Variants in PRR5 observed in about 807,000 individuals in gnomAD.
The protein encoded by PRR5 is proline rich 5.
A neutral mutation model predicts 30.6 loss-of-function variants in PRR5; 25 were observed. The observed-to-expected ratio is 0.82, with a 90% CI of 0.60 to 1.14. PRR5 has a LOEUF of 1.14. PRR5 is among the 50% of genes most tolerant of loss of function. PRR5 has a pLI of 0.00. For synonymous variants in PRR5, 286 were observed against 247.1 expected, an observed-to-expected ratio of 1.16 and a Z score of -1.48; for missense variants, 600 against 547.1, an observed-to-expected ratio of 1.10 and a Z score of -0.96.
intron 6 of PRR5, among the ~76,000 whole-genome samples, chr22:44,733,594 G>C (rs114318987): frequency 0.014 from 2,094 of 152,264 alleles, 55 homozygotes; most frequent in African/African-American, 0.048. Context: ...GGGGACCCTT[G>C]AGGGACTTTG....
upstream of PRR5, among the ~76,000 whole-genome samples, chr22:44,699,644 T>G (rs1926076018): frequency 6.6e-6 from 1 of 152,162 alleles, no homozygotes; most frequent in South Asian, 2.1e-4. Context: ...GAACAAGTTG[T>G]TACGGTTCTT....
intron 1 of PRR5, among the ~76,000 whole-genome samples, chr22:44,669,023 G>T (rs941045743): frequency 6.6e-6 from 1 of 151,664 alleles, no homozygotes; most frequent in Non-Finnish European, 1.5e-5. Flanking sequence ...CGGGGCAGGG[G>T]CGGCCCCCTT....
At chr22:44,681,454 G>A (rs1205471927) in intron 1 of PRR5, among the ~76,000 whole-genome samples, 1 of 152,126 alleles carries the variant, frequency 6.6e-6, no homozygotes, top group African/African-American at 2.4e-5. Context: ...TGGGCATGAT[G>A]GTGGGTGCCT....
intron 2 of PRR5, among the ~76,000 whole-genome samples, chr22:44,722,092 C>T (rs368590321): frequency 6.2e-4 from 94 of 152,256 alleles, no homozygotes; most frequent in Middle Eastern, 3.4e-3. Flanking sequence ...CCTCGGGGCA[C>T]CATTGTCTGT....
intron 1 of PRR5, among the ~76,000 whole-genome samples, chr22:44,695,208 T>C (rs546836947): frequency 7.0e-4 from 107 of 152,218 alleles, no homozygotes; most frequent in Non-Finnish European, 1.4e-3. Context: ...AGAGGGGCTG[T>C]CTACAAGAAA....
intron 1 of PRR5, among the ~76,000 whole-genome samples, chr22:44,712,438 C>T (rs1326973354): frequency 1.3e-5 from 2 of 152,178 alleles, no homozygotes; most frequent in East Asian, 3.9e-4. Flanking sequence ...TGCCCTGCGC[C>T]AGCGAGGACA....
At chr22:44,730,578 C>T (rs985554246) in intron 4 of PRR5, 3 of 989,772 alleles carry the variant, frequency 3.0e-6, no homozygotes, top group Non-Finnish European at 2.4e-6. Context: ...CAGAGCTGGT[C>T]CCGATGTCTG....
At chr22:44,712,806 C>T (rs1928461116) in intron 1 of PRR5, among the ~76,000 whole-genome samples, 1 of 152,148 alleles carries the variant, frequency 6.6e-6, no homozygotes, top group African/African-American at 2.4e-5. Context: ...TGGGCGGTGG[C>T]TGTTGTACCC....
intron 1 of PRR5, among the ~76,000 whole-genome samples, chr22:44,695,700 G>C (rs1925684143): frequency 6.6e-6 from 1 of 150,692 alleles, no homozygotes; most frequent in Admixed American, 6.6e-5. Context: ...CCGGGTTCAA[G>C]CAATTCTCTT....
At chr22:44,730,530 G>A (rs949986248) in intron 4 of PRR5, 1 of 989,526 alleles carries the variant, frequency 1.0e-6, no homozygotes, top group Non-Finnish European at 1.2e-6. Context: ...CTCACCTGGT[G>A]CATGGCACCG....
At chr22:44,671,730 G>A (rs974653151) in intron 1 of PRR5, among the ~76,000 whole-genome samples, 3 of 152,238 alleles carry the variant, frequency 2.0e-5, no homozygotes, top group African/African-American at 7.2e-5. Flanking sequence ...TCTGGAGCCA[G>A]CTGCCTGGGT....
chr22:44,731,279 G>A (rs141101803), intron 4 of PRR5: 42 of 265,548 alleles, frequency 1.6e-4, no homozygotes, highest in African/African-American at 8.0e-4. Context: ...CACCTGTGCC[G>A]AGTGTACCTA....
At chr22:44,729,848 G>T (rs918091802) in intron 4 of PRR5, 1 of 985,352 alleles carries the variant, frequency 1.0e-6, no homozygotes, top group Non-Finnish European at 1.2e-6. Flanking sequence ...AGGCCTGGCC[G>T]GTGCCCAGAG....
chr22:44,699,030 T>G (rs1282604995), upstream of PRR5, among the ~76,000 whole-genome samples: 2 of 152,098 alleles, frequency 1.3e-5, no homozygotes, highest in Admixed American at 1.3e-4. Flanking sequence ...GGCTGTTGGG[T>G]GTAGACAGAT....
At chr22:44,729,626 C>T (rs1921550722) in intron 4 of PRR5, 1 of 985,468 alleles carries the variant, frequency 1.0e-6, no homozygotes. Context: ...CTGGGGTCGC[C>T]CCATACCTGC....
At chr22:44,689,860 G>A (rs1396556476) in intron 1 of PRR5, among the ~76,000 whole-genome samples, 2 of 152,206 alleles carry the variant, frequency 1.3e-5, no homozygotes, top group African/African-American at 2.4e-5. Context: ...TGTTGGTCAG[G>A]CTGGTCTCGA....
At chr22:44,700,442 G>A (rs113672588), upstream of PRR5, among the ~76,000 whole-genome samples, 13 of 152,284 alleles carry the variant, frequency 8.5e-5, no homozygotes, top group African/African-American at 3.1e-4. Context: ...CTCCACAGGC[G>A]ACAAGAGCGA....
intron 7 of PRR5, among the ~76,000 whole-genome samples, chr22:44,736,405 C>G (rs1209589531): frequency 6.6e-6 from 1 of 152,186 alleles, no homozygotes; most frequent in Non-Finnish European, 1.5e-5. Flanking sequence ...GCTGCGCCTG[C>G]CTGGGAAAGT....
chr22:44,700,842 ACT>A (rs1175290236), upstream of PRR5, among the ~76,000 whole-genome samples: 1 of 151,828 alleles, frequency 6.6e-6, no homozygotes, highest in Non-Finnish European at 1.5e-5. Context: ...CTAAACAAAG[ACT>A]CTTCATGAGG....
Sources: gnomAD v4.1 joint callset for allele counts (sites outside exome capture counted in the v4.1 genomes callset) on GRCh38, gnomAD v4.1.1 for gene constraint, MANE v1.5 for transcripts, NCBI Gene and HGNC (gene_info 2026-07-23, HGNC 2026-07-21) for gene names.